Variants in SLC9A9 observed in about 807,000 individuals in gnomAD.
SLC9A9 encodes sodium/hydrogen exchanger 9.
Under a neutral mutation model 77.8 loss-of-function variants are expected in SLC9A9, and 62 were observed. The observed-to-expected ratio is 0.80, with a 90% confidence interval of 0.65 to 0.98. The LOEUF (loss-of-function observed/expected upper bound fraction) is 0.98, where lower values mean the gene tolerates loss of function less well. Among genes scored for constraint, SLC9A9 ranks in the 50% least tolerant of loss-of-function variants. The probability of loss-of-function intolerance (pLI) is 0.00; values close to 1 mark genes in which losing one functional copy is unlikely to be tolerated. For synonymous variants in SLC9A9, 320 were observed against 283.5 expected, an observed-to-expected ratio of 1.13 and a Z score of -1.29; for missense variants, 775 against 774.9, an observed-to-expected ratio of 1.00 and a Z score of 0.00.
intron 7 of SLC9A9, among the ~76,000 whole-genome samples, chr3:143,577,336 CCT>C (rs1439842634): frequency 2.0e-5 from 3 of 152,188 alleles, no homozygotes; most frequent in Admixed American, 6.5e-5. Flanking sequence ...CACTGCCATA[CCT>C]TAGTGAATGC....
intron 11 of SLC9A9, among the ~76,000 whole-genome samples, chr3:143,481,356 A>T (rs188923722): frequency 6.6e-6 from 1 of 152,326 alleles, no homozygotes; most frequent in East Asian, 1.9e-4. Context: ...GAAACAAATA[A>T]AGTGAGTGAG....
intron 9 of SLC9A9, chr3:143,517,022 T>G: frequency 1.4e-6 from 1 of 727,688 alleles, no homozygotes; most frequent in Middle Eastern, 4.0e-4. Flanking sequence ...CAATTTCTGT[T>G]TATTGAGTAA....
intron 14 of SLC9A9, among the ~76,000 whole-genome samples, chr3:143,286,962 A>G (rs1175852519): frequency 6.6e-6 from 1 of 152,206 alleles, no homozygotes; most frequent in African/African-American, 2.4e-5. Context: ...GTGCGTCAGC[A>G]AAACTCTCCA....
chr3:143,737,639 T>C (rs1293869604), intron 4 of SLC9A9, among the ~76,000 whole-genome samples: 1 of 152,212 alleles, frequency 6.6e-6, no homozygotes, highest in Non-Finnish European at 1.5e-5. Context: ...AGCTTATTAG[T>C]TAATATTACA....
chr3:143,679,368 G>A (rs1008476775), intron 5 of SLC9A9, among the ~76,000 whole-genome samples: 2 of 152,202 alleles, frequency 1.3e-5, no homozygotes, highest in African/African-American at 4.8e-5. Context: ...ACAAATCCTA[G>A]GCTGATGGAT....
At chr3:143,325,469 T>C (rs1183773084) in intron 14 of SLC9A9, among the ~76,000 whole-genome samples, 8 of 152,212 alleles carry the variant, frequency 5.3e-5, no homozygotes, top group Admixed American at 5.2e-4. Flanking sequence ...GGGTTTTATT[T>C]TGGTAGGGTC....
chr3:143,448,796 A>G (rs2034893495), intron 12 of SLC9A9, among the ~76,000 whole-genome samples: 1 of 139,600 alleles, frequency 7.2e-6, no homozygotes, highest in Non-Finnish European at 1.5e-5. Flanking sequence ...ATGCTTTAAT[A>G]CAAATGTAAA....
intron 6 of SLC9A9, among the ~76,000 whole-genome samples, chr3:143,621,967 T>C (rs1185169396): frequency 6.6e-6 from 1 of 151,688 alleles, no homozygotes; most frequent in Non-Finnish European, 1.5e-5. Context: ...ACATGACAAA[T>C]GAACAAGCCT....
At chr3:143,639,612 T>C (rs914212310) in intron 6 of SLC9A9, among the ~76,000 whole-genome samples, 1 of 152,234 alleles carries the variant, frequency 6.6e-6, no homozygotes, top group African/African-American at 2.4e-5. Flanking sequence ...AATTTTATCA[T>C]CTTACTAAAA....
intron 12 of SLC9A9, among the ~76,000 whole-genome samples, chr3:143,445,927 G>T (rs1425841952): frequency 1.3e-5 from 2 of 152,108 alleles, no homozygotes; most frequent in Non-Finnish European, 2.9e-5. Flanking sequence ...AACAAGAACA[G>T]CTTTGGTAGA....
chr3:143,578,752 T>C (rs1317859991), intron 6 of SLC9A9, 29 bp from the exon 7 acceptor site: 3 of 1,613,522 alleles, frequency 1.9e-6, no homozygotes, highest in African/African-American at 2.7e-5. Flanking sequence ...GGAGGTTAGT[T>C]AGTGACTTTC....
At chr3:143,826,700 C>G (rs1294043740) in intron 2 of SLC9A9, among the ~76,000 whole-genome samples, 1 of 152,158 alleles carries the variant, frequency 6.6e-6, no homozygotes, top group Admixed American at 6.5e-5. Flanking sequence ...ATTGGAAATG[C>G]TTTTTCTTTC....
intron 2 of SLC9A9, among the ~76,000 whole-genome samples, chr3:143,805,256 C>T (rs1237024315): frequency 6.6e-6 from 1 of 151,984 alleles, no homozygotes; most frequent in Non-Finnish European, 1.5e-5. Context: ...GTGACAAATC[C>T]TCCTTCTAAC....
At chr3:143,306,831 C>G (rs1050155099) in intron 14 of SLC9A9, among the ~76,000 whole-genome samples, 1 of 152,214 alleles carries the variant, frequency 6.6e-6, no homozygotes, top group South Asian at 2.1e-4. Context: ...CCTACACTCT[C>G]TGGTATTTTC....
chr3:143,607,691 A>T (rs1399148688), intron 6 of SLC9A9, among the ~76,000 whole-genome samples: 2 of 152,070 alleles, frequency 1.3e-5, no homozygotes, highest in African/African-American at 4.8e-5. Context: ...CAAAAGGGAC[A>T]TAGAGAATTC....
At chr3:143,386,706 C>A (rs567898355) in intron 12 of SLC9A9, among the ~76,000 whole-genome samples, 1 of 152,166 alleles carries the variant, frequency 6.6e-6, no homozygotes. Context: ...CACTGGACAA[C>A]CTTTGAATAT....
At chr3:143,505,516 G>A (rs1369835103) in intron 9 of SLC9A9, among the ~76,000 whole-genome samples, 1 of 152,184 alleles carries the variant, frequency 6.6e-6, no homozygotes, top group Admixed American at 6.5e-5. Context: ...TCCAGTCCCT[G>A]TAGTAGAGGA....
chr3:143,813,200 A>G (rs968544245), intron 2 of SLC9A9, among the ~76,000 whole-genome samples: 5 of 152,186 alleles, frequency 3.3e-5, no homozygotes, highest in Admixed American at 6.5e-5. Context: ...GAAAATGATA[A>G]TATTGGGTCA....
intron 14 of SLC9A9, among the ~76,000 whole-genome samples, chr3:143,278,821 T>C (rs908900400): frequency 6.6e-6 from 1 of 152,192 alleles, no homozygotes; most frequent in African/African-American, 2.4e-5. Flanking sequence ...ACCTTGCTAC[T>C]TCTAAGTAAT....
Sources: gnomAD v4.1 joint callset for allele counts (sites outside exome capture counted in the v4.1 genomes callset) on GRCh38, gnomAD v4.1.1 for gene constraint, MANE v1.5 for transcripts, NCBI Gene and HGNC (gene_info 2026-07-23, HGNC 2026-07-21) for gene names.